CDA: variants seen among roughly 807,000 people sequenced by gnomAD.
The protein encoded by CDA is cytidine deaminase.
CDA carries 7 observed loss-of-function variants against 15.0 expected under a neutral mutation model. The ratio of observed to expected loss-of-function variants is 0.47; its 90% confidence interval spans 0.26 to 0.87. The LOEUF is 0.87. Ranked by LOEUF, CDA falls within the 40% of genes least tolerant of loss-of-function variation. The pLI is 0.15. For synonymous variants in CDA, 58 were observed against 73.0 expected (o/e 0.79, Z 1.05); for missense variants, 159 against 182.7 (o/e 0.87, Z 0.75).
chr1:20,615,071 A>G (rs1443212918), intron 3 of CDA, among the ~76,000 whole-genome samples: 1 of 152,162 alleles, frequency 6.6e-6, no homozygotes, highest in Non-Finnish European at 1.5e-5. Context: ...CATGTTGGCC[A>G]GGATGGTCTT....
intron 2 of CDA, among the ~76,000 whole-genome samples, chr1:20,607,651 G>A (rs1455988500): frequency 1.3e-5 from 2 of 152,152 alleles, no homozygotes; most frequent in Non-Finnish European, 2.9e-5. Context: ...AGTATCACTA[G>A]CAATGATTAG....
intron 2 of CDA, among the ~76,000 whole-genome samples, chr1:20,607,179 G>T (rs2052701514): frequency 6.6e-6 from 1 of 152,192 alleles, no homozygotes; most frequent in Non-Finnish European, 1.5e-5. Context: ...AGAAATGCAG[G>T]GGTTTAGTGC....
intron 2 of CDA, among the ~76,000 whole-genome samples, chr1:20,612,894 G>C (rs1438710659): frequency 1.6e-5 from 2 of 128,562 alleles, no homozygotes; most frequent in African/African-American, 6.0e-5. Context: ...AGTGAGCCAA[G>C]ATCACGCCAC....
intron 1 of CDA, among the ~76,000 whole-genome samples, chr1:20,599,943 A>G (rs1405847795): frequency 6.6e-6 from 1 of 152,202 alleles, no homozygotes; most frequent in Admixed American, 6.5e-5. Context: ...AGCCTCAAAG[A>G]GGTTCAGTCC....
At chr1:20,592,929 C>T (rs1056942620) in intron 1 of CDA, among the ~76,000 whole-genome samples, 8 of 152,028 alleles carry the variant, frequency 5.3e-5, no homozygotes, top group African/African-American at 1.4e-4. Flanking sequence ...GTCGTGTCTA[C>T]AAAAAGTACA....
intron 1 of CDA, 44 bp downstream of exon 1, chr1:20,589,327 T>C (rs765760111): frequency 1.1e-5 from 17 of 1,592,646 alleles, no homozygotes; most frequent in Non-Finnish European, 1.4e-5. Flanking sequence ...GCAGCCTGGG[T>C]GGTGGGTCAG....
chr1:20,608,898 G>A (rs538919263), intron 2 of CDA, among the ~76,000 whole-genome samples: 5 of 152,230 alleles, frequency 3.3e-5, no homozygotes, highest in Non-Finnish European at 5.9e-5. Flanking sequence ...TGCATACCCC[G>A]GCCCCTTACA....
intron 1 of CDA, among the ~76,000 whole-genome samples, chr1:20,599,242 G>A (rs1168278483): frequency 1.3e-5 from 2 of 152,192 alleles, no homozygotes; most frequent in Non-Finnish European, 2.9e-5. Context: ...CAGGTCTAGA[G>A]AACAAAAGGA....
chr1:20,605,168 G>A, intron 2 of CDA, 129 bp downstream of exon 2: 1 of 718,206 alleles, frequency 1.4e-6, no homozygotes, highest in African/African-American at 1.7e-5. Flanking sequence ...GCCAGGCACT[G>A]TACAGGGCCC....
chr1:20,607,528 C>T (rs959926537), intron 2 of CDA, among the ~76,000 whole-genome samples: 1 of 152,152 alleles, frequency 6.6e-6, no homozygotes, highest in Non-Finnish European at 1.5e-5. Context: ...TAATGATATT[C>T]TAGGGAAAAA....
chr1:20,608,437 T>G (rs1166011673), intron 2 of CDA, among the ~76,000 whole-genome samples: 3 of 151,970 alleles, frequency 2.0e-5, no homozygotes, highest in Non-Finnish European at 4.4e-5. Context: ...TGAGAACAAG[T>G]CTCTCTGTGC....
At chr1:20,598,330 T>G (rs537705346) in intron 1 of CDA, among the ~76,000 whole-genome samples, 91 of 152,274 alleles carry the variant, frequency 6.0e-4, no homozygotes, top group South Asian at 1.0e-3. Context: ...CTCCAGAGGA[T>G]GCAATGTTCA....
At chr1:20,613,979 T>C in intron 3 of CDA, 80 bp downstream of exon 3, 1 of 1,252,520 alleles carries the variant, frequency 8.0e-7, no homozygotes, top group Non-Finnish European at 1.2e-6. Flanking sequence ...GTTGCAGGCA[T>C]GGCAGGCATG....
rs760754305 is a variant in CDA at position 20,610,261 on chromosome 1, C to CTTTTTTTTTTTTT, written c.267-3569_267-3568insTTTTTTTTTTTTT. Among the ~76,000 whole-genome samples, 10 of 62,966 alleles carry CTTTTTTTTTTTTT rather than the reference C, an allele frequency of 1.6e-4. 1 individual carries two copies. The highest frequency in any genetic ancestry group is 3.0e-4 in the Non-Finnish European group (7 of 23,360). The allele number at this position is 62,966 out of a possible 152,430, so 41.3% of individuals were successfully genotyped here. A position where few individuals can be genotyped will look rare whatever the true frequency, so the allele number is the denominator to read the frequency against. On this transcript the variant is annotated intron_variant, in intron 2 of 3. Coordinates refer to ENST00000375071, the MANE Select transcript of CDA (RefSeq NM_001785.3). ...CTGGCACATTCTAGGCACACATTAT[C>CTTTTTTTTTTTTT]TTTTTTTTTTTTATTTTATTTTATT...
intron 2 of CDA, among the ~76,000 whole-genome samples, chr1:20,611,144 G>T (rs1445159035): frequency 6.6e-6 from 1 of 152,216 alleles, no homozygotes; most frequent in Non-Finnish European, 1.5e-5. Flanking sequence ...GGAGGCTGAG[G>T]TAGGAGGAGC....
chr1:20,596,756 C>CTT lies in CDA; in HGVS notation c.154+7494_154+7495dup, dbSNP rs61288769. Among the ~76,000 whole-genome samples, 360 of 101,066 alleles carry CTT rather than the reference C, an allele frequency of 3.6e-3. 2 individuals are homozygous for CTT. The highest frequency in any genetic ancestry group is 0.011 in the Middle Eastern group (2 of 178). The allele number at this position is 101,066 out of a possible 152,430, so 66.3% of individuals were successfully genotyped here. ...TGTGAGCTTCTTTCCCTGTTGATGT[C>CTT]TTTTTTTTTTTTTTTTTTTTTTGAG... On this transcript the variant is annotated intron_variant, in intron 1 of 3. Transcript: ENST00000375071.
chr1:20,593,195 G>A (rs1369931212), intron 1 of CDA, among the ~76,000 whole-genome samples: 1 of 152,220 alleles, frequency 6.6e-6, no homozygotes, highest in African/African-American at 2.4e-5. Context: ...ACTGAGGTGA[G>A]GCATTGAAGG....
At chr1:20,613,696 CA>C in intron 2 of CDA, 145 bp from the exon 3 acceptor site, 1 of 760,480 alleles carries the variant, frequency 1.3e-6, no homozygotes. Context: ...TCTCAGCCTT[CA>C]GGACACAGTG....
chr1:20,595,912 G>A (rs987671222), intron 1 of CDA, among the ~76,000 whole-genome samples: 12 of 151,692 alleles, frequency 7.9e-5, no homozygotes, highest in Admixed American at 3.3e-4. Context: ...ACTTTGGGAG[G>A]CTGAGGTGGG....
Sources: allele counts gnomAD v4.1 joint callset (sites outside exome capture counted in the v4.1 genomes callset), GRCh38; gene constraint gnomAD v4.1.1; transcripts MANE v1.5; gene names NCBI Gene and HGNC (gene_info 2026-07-23, HGNC 2026-07-21).